The following TEX11 variants were observed in gnomAD, a reference collection of about 807,000 sequenced individuals.
TEX11 encodes testis expressed 11.
Under a neutral mutation model 84.4 loss-of-function variants are expected in TEX11, and 7 were observed. The ratio of observed to expected loss-of-function variants is 0.08; its 90% CI spans 0.05 to 0.16. TEX11 has a LOEUF of 0.16. Among genes scored for constraint, TEX11 ranks in the 10% least tolerant of loss-of-function variants. The probability of loss-of-function intolerance (pLI) is 1.00; values close to 1 mark genes in which losing one functional copy is unlikely to be tolerated. For synonymous variants in TEX11, 264 were observed against 222.8 expected (o/e 1.18, Z -1.64); for missense variants, 551 against 660.5 (o/e 0.83, Z 1.82).
intron 16 of TEX11, among the ~76,000 whole-genome samples, chrX:70,668,802 T>G (rs2147634409): frequency 8.9e-6 from 1 of 112,269 alleles, no homozygotes; most frequent in South Asian, 3.8e-4. Flanking sequence ...TTCTGGTCAT[T>G]GCTTCCCAGT....
intron 2 of TEX11, among the ~76,000 whole-genome samples, chrX:70,885,562 A>G (rs1021101201): frequency 1.8e-5 from 2 of 111,761 alleles, no homozygotes; most frequent in Non-Finnish European, 3.8e-5. Context: ...ACAATGATAT[A>G]TCACCTCACA....
At chrX:70,848,402 A>G (rs2091490372) in intron 7 of TEX11, among the ~76,000 whole-genome samples, 1 of 111,278 alleles carries the variant, frequency 9.0e-6, no homozygotes, top group Non-Finnish European at 1.9e-5. Context: ...CCACTTTCCT[A>G]AGTCTGTTTC....
intron 8 of TEX11, among the ~76,000 whole-genome samples, chrX:70,824,326 T>C (rs1330898914): frequency 8.9e-6 from 1 of 112,283 alleles, no homozygotes; most frequent in Non-Finnish European, 1.9e-5. Context: ...TCTCTACTTC[T>C]GGCTTGAATT....
intron 25 of TEX11, among the ~76,000 whole-genome samples, chrX:70,555,722 G>A (rs1269530615): frequency 2.7e-5 from 3 of 112,235 alleles, no homozygotes; most frequent in African/African-American, 9.7e-5. Context: ...TTCAGGATGA[G>A]TTTGTATAGA....
At chrX:70,557,145 A>G (rs918783487) in intron 25 of TEX11, among the ~76,000 whole-genome samples, 1 of 109,705 alleles carries the variant, frequency 9.1e-6, no homozygotes, top group Admixed American at 9.8e-5. Flanking sequence ...TCCCTTTATA[A>G]CAGCATCAAA....
At chrX:70,774,270 T>G (rs1179003336) in intron 9 of TEX11, among the ~76,000 whole-genome samples, 4 of 91,759 alleles carry the variant, frequency 4.4e-5, no homozygotes, top group African/African-American at 1.7e-4. Context: ...ACAGCTAACA[T>G]CATAAAAAAA....
intron 9 of TEX11, among the ~76,000 whole-genome samples, chrX:70,801,396 A>G (rs2091186590): frequency 9.0e-6 from 1 of 111,498 alleles, no homozygotes; most frequent in African/African-American, 3.3e-5. Flanking sequence ...AATAGTATAT[A>G]TATAATTCTA....
intron 7 of TEX11, among the ~76,000 whole-genome samples, chrX:70,835,651 G>A (rs1307204189): frequency 8.9e-6 from 1 of 112,412 alleles, no homozygotes; most frequent in Non-Finnish European, 1.9e-5. Flanking sequence ...GTGAACTTAG[G>A]TAAGTCACAA....
chrX:70,705,780 A>G (rs776396507), intron 13 of TEX11, among the ~76,000 whole-genome samples: 1 of 111,601 alleles, frequency 9.0e-6, no homozygotes, highest in East Asian at 2.8e-4. Flanking sequence ...CACCAGTTAG[A>G]ATGGCATCAT....
intron 28 of TEX11, among the ~76,000 whole-genome samples, chrX:70,536,247 T>TTTTA (rs1254790686): frequency 2.7e-5 from 3 of 110,990 alleles, no homozygotes; most frequent in African/African-American, 9.8e-5. Context: ...TTTTTTTAGC[T>TTTTA]TTTATTTATT....
intron 8 of TEX11, among the ~76,000 whole-genome samples, chrX:70,821,674 C>T (rs897749809): frequency 3.6e-5 from 4 of 111,681 alleles, no homozygotes; most frequent in Admixed American, 1.9e-4. Flanking sequence ...AATGTGAGAA[C>T]GAACTAATAC....
intron 2 of TEX11, among the ~76,000 whole-genome samples, chrX:70,898,766 C>T (rs2091787283): frequency 9.0e-6 from 1 of 110,557 alleles, no homozygotes; most frequent in Non-Finnish European, 1.9e-5. Context: ...CCAGCACACT[C>T]AGCTAATTTT....
intron 5 of TEX11, among the ~76,000 whole-genome samples, chrX:70,853,813 C>CA (rs1018270299): frequency 8.9e-6 from 1 of 111,931 alleles, no homozygotes; most frequent in Non-Finnish European, 1.9e-5. Flanking sequence ...CCAACATGCA[C>CA]AAAAATGCAA....
chrX:70,577,434 T>C (rs2088690241), intron 25 of TEX11, among the ~76,000 whole-genome samples: 1 of 108,356 alleles, frequency 9.2e-6, no homozygotes, highest in South Asian at 4.0e-4. Flanking sequence ...CAGGGAAGAG[T>C]TGGTACACAA....
chrX:70,881,326 C>CAA (rs773436735), intron 2 of TEX11, among the ~76,000 whole-genome samples: 5,115 of 61,784 alleles, frequency 0.083, 482 homozygotes, highest in African/African-American at 0.27. Flanking sequence ...GACTGTGTCT[C>CAA]AAAAAAAAAA....
chrX:70,514,593 T>TAAA, the TEX11 span, among the ~76,000 whole-genome samples: 2 of 88,382 alleles, frequency 2.3e-5, no homozygotes, highest in African/African-American at 4.3e-5. Context: ...AGACTCCATC[T>TAAA]AAAAAAAAAA....
At chrX:70,787,028 G>A (rs1358444519) in intron 9 of TEX11, among the ~76,000 whole-genome samples, 1 of 111,184 alleles carries the variant, frequency 9.0e-6, no homozygotes, top group Non-Finnish European at 1.9e-5. Flanking sequence ...CAGCCACTCG[G>A]GAGGCTGAGG....
chrX:70,598,561 C>A (rs181412974), intron 24 of TEX11, among the ~76,000 whole-genome samples: 4 of 111,974 alleles, frequency 3.6e-5, no homozygotes, highest in African/African-American at 1.3e-4. Context: ...AAAATTTGTA[C>A]ATAAATTGTT....
rs1569463104 is a variant in TEX11, at chrX:70,897,615, GGAAGGA to G, written c.37+10132_37+10137del. ...AGGAAAGAAAGAAAGAAAAAAGGAA[GGAAGGA>G]AGGAAGGAAGGAAGGAAGGAAGGAA... On this transcript the variant is annotated intron_variant, in intron 2 of 29. Transcript: ENST00000374333. The G allele has an allele frequency of 4.0e-3, 162 of 40,680 alleles. 4 individuals carry two copies. Among genetic ancestry groups the G allele is most frequent in the Non-Finnish European group, 4.3e-3 (102 of 23,449 alleles). 3.4% of individuals were successfully genotyped at this position (40,680 alleles called of 1,213,427 possible).
Sources: allele counts gnomAD v4.1 joint callset (sites outside exome capture counted in the v4.1 genomes callset), GRCh38; gene constraint gnomAD v4.1.1; transcripts MANE v1.5; gene names NCBI Gene and HGNC (gene_info 2026-07-23, HGNC 2026-07-21).